SYT1: variants seen among roughly 807,000 people sequenced by gnomAD.
SYT1 encodes the protein synaptotagmin 1.
Under a neutral mutation model 44.8 loss-of-function variants are expected in SYT1, and 8 were observed. That is an observed-to-expected ratio of 0.18 (90% CI 0.10 to 0.32). The LOEUF (loss-of-function observed/expected upper bound fraction) is 0.32, where lower values mean the gene tolerates loss of function less well. Ranked by LOEUF, SYT1 falls within the 10% of genes least tolerant of loss-of-function variation. The pLI is 1.00. For synonymous variants in SYT1, 154 were observed against 188.8 expected, an observed-to-expected ratio of 0.82 and a Z score of 1.51; for missense variants, 286 against 509.3, an observed-to-expected ratio of 0.56 and a Z score of 4.22.
intron 2 of SYT1, among the ~76,000 whole-genome samples, chr12:79,043,572 CTT>C (rs2137741430): frequency 6.6e-6 from 1 of 151,394 alleles, no homozygotes; most frequent in African/African-American, 2.4e-5. Flanking sequence ...GGTCTTGACT[CTT>C]TATCCAATAT....
intron 9 of SYT1, among the ~76,000 whole-genome samples, chr12:79,411,022 T>A (rs1052561212): frequency 1.3e-5 from 2 of 152,318 alleles, no homozygotes; most frequent in Admixed American, 6.5e-5. Context: ...GTATATTAGA[T>A]AAGCCCGAGA....
intron 9 of SYT1, among the ~76,000 whole-genome samples, chr12:79,361,312 C>T (rs530453231): frequency 6.6e-6 from 1 of 152,108 alleles, no homozygotes. Flanking sequence ...AGGTACATAA[C>T]TTACCCAAGG....
chr12:79,406,000 T>C (rs1057331958), intron 9 of SYT1, among the ~76,000 whole-genome samples: 3 of 152,112 alleles, frequency 2.0e-5, no homozygotes, highest in Non-Finnish European at 4.4e-5. Flanking sequence ...AAGATCATCA[T>C]GGCTGGCTTT....
chr12:79,102,807 A>C (rs1878516234), intron 3 of SYT1, among the ~76,000 whole-genome samples: 1 of 152,158 alleles, frequency 6.6e-6, no homozygotes, highest in Admixed American at 6.5e-5. Context: ...TGAATCAACA[A>C]ATTTTAAGTA....
At chr12:79,275,343 A>G (rs993079006) in intron 4 of SYT1, among the ~76,000 whole-genome samples, 1 of 152,118 alleles carries the variant, frequency 6.6e-6, no homozygotes, top group African/African-American at 2.4e-5. Flanking sequence ...AGGCACACCC[A>G]GGAATTCTCC....
intron 8 of SYT1, among the ~76,000 whole-genome samples, chr12:79,348,513 A>T (rs980498940): frequency 3.3e-5 from 5 of 152,258 alleles, no homozygotes; most frequent in Non-Finnish European, 7.3e-5. Context: ...CAGTGAAACA[A>T]GAGCAAATGG....
rs370251131 is a variant in SYT1, at chr12:78,900,492, G to C, written c.-217+35383G>C. 7.9e-5 allele frequency among the ~76,000 whole-genome samples: 12 copies of C among 152,134 alleles called. No individual in the cohort carries two copies. In the South Asian group the frequency reaches 1.9e-3, roughly 24 times the overall value. ...AGTCTCCTTTGAACTGAGATCCAAT[G>C]ACAAGATGCCAGCCATTACAAGATT... On this transcript the variant is annotated intron_variant, in intron 1 of 10. Transcript: ENST00000261205.
intron 3 of SYT1, among the ~76,000 whole-genome samples, chr12:79,068,102 A>G (rs1228478538): frequency 6.6e-6 from 1 of 152,194 alleles, no homozygotes; most frequent in African/African-American, 2.4e-5. Flanking sequence ...ATTCAGGCCA[A>G]AAATGAACTT....
chr12:79,153,013 T>G (rs1870372857), intron 3 of SYT1, among the ~76,000 whole-genome samples: 1 of 152,012 alleles, frequency 6.6e-6, no homozygotes, highest in South Asian at 2.1e-4. Flanking sequence ...GACCCTTTAA[T>G]TTAAGGTAAG....
intron 4 of SYT1, among the ~76,000 whole-genome samples, chr12:79,284,266 T>C (rs1457126014): frequency 6.6e-6 from 1 of 152,142 alleles, no homozygotes. Context: ...AGAAAATATA[T>C]TAACTTTTAT....
chr12:79,045,175 T>C (rs1354753275), intron 2 of SYT1, among the ~76,000 whole-genome samples: 1 of 152,204 alleles, frequency 6.6e-6, no homozygotes, highest in Non-Finnish European at 1.5e-5. Context: ...GGCTGCTTTG[T>C]TTACCTAAGC....
intron 4 of SYT1, among the ~76,000 whole-genome samples, chr12:79,273,867 C>T (rs536245759): frequency 2.0e-5 from 3 of 152,146 alleles, no homozygotes; most frequent in Admixed American, 6.5e-5. Flanking sequence ...TGGCAGATCA[C>T]GAGGTCAAGA....
chr12:79,173,935 A>G (rs1871703920), intron 3 of SYT1, among the ~76,000 whole-genome samples: 1 of 152,080 alleles, frequency 6.6e-6, no homozygotes, highest in South Asian at 2.1e-4. Context: ...GTGTATCATT[A>G]CAATAGATGT....
At chr12:79,048,145 A>G (rs571956309) in intron 3 of SYT1, among the ~76,000 whole-genome samples, 1 of 151,966 alleles carries the variant, frequency 6.6e-6, no homozygotes, top group African/African-American at 2.4e-5. Context: ...TGCATTTCAA[A>G]CTCAATGTTT....
intron 3 of SYT1, among the ~76,000 whole-genome samples, chr12:79,120,554 C>T (rs1292774696): frequency 2.6e-5 from 4 of 152,144 alleles, no homozygotes; most frequent in South Asian, 2.1e-4. Context: ...GTTATCAAAA[C>T]TAACACATTT....
chr12:79,278,217 C>G (rs1349727883), intron 4 of SYT1, among the ~76,000 whole-genome samples: 1 of 152,078 alleles, frequency 6.6e-6, no homozygotes, highest in Non-Finnish European at 1.5e-5. Flanking sequence ...ATACATACTT[C>G]TCATCAGCAC....
intron 3 of SYT1, among the ~76,000 whole-genome samples, chr12:79,115,166 G>C (rs1879210283): frequency 6.6e-6 from 1 of 152,022 alleles, no homozygotes; most frequent in Admixed American, 6.6e-5. Flanking sequence ...TAGTCATCTT[G>C]AAATTTATTA....
At chr12:79,179,417 GATATATCTATAT>G (rs1872301082) in intron 3 of SYT1, among the ~76,000 whole-genome samples, 1 of 119,740 alleles carries the variant, frequency 8.4e-6, no homozygotes, top group African/African-American at 3.3e-5. Context: ...TATAGATATA[GATATATCTATAT>G]AGATATATCC....
intron 9 of SYT1, among the ~76,000 whole-genome samples, chr12:79,361,798 C>G (rs1034478513): frequency 6.6e-6 from 1 of 152,132 alleles, no homozygotes; most frequent in East Asian, 1.9e-4. Context: ...GGTTGCCGAA[C>G]ATGGTAGAAG....
Sources: gnomAD v4.1 joint callset for allele counts (sites outside exome capture counted in the v4.1 genomes callset) on GRCh38, gnomAD v4.1.1 for gene constraint, MANE v1.5 for transcripts, NCBI Gene and HGNC (gene_info 2026-07-23, HGNC 2026-07-21) for gene names.